Variants in GRM3 observed in about 807,000 individuals in gnomAD.
GRM3 encodes glutamate metabotropic receptor 3.
Under a neutral mutation model 70.5 loss-of-function variants are expected in GRM3, and 26 were observed. That is an observed-to-expected ratio of 0.37 (90% CI 0.27 to 0.51). GRM3 has a LOEUF of 0.51. Ranked by LOEUF, GRM3 falls within the 20% of genes least tolerant of loss-of-function variation. The pLI is 0.93. For missense variants in GRM3, 859 were observed against 1,123.8 expected (o/e 0.76, Z 3.37); for synonymous variants, 443 against 434.9 (o/e 1.02, Z -0.23).
At chr7:86,810,738 C>T (rs1013222957) in intron 3 of GRM3, among the ~76,000 whole-genome samples, 2 of 151,904 alleles carry the variant, frequency 1.3e-5, no homozygotes, top group African/African-American at 4.8e-5. Context: ...TAGCAAGTCA[C>T]TCCTGTTATT....
At chr7:86,801,064 CTTTTTTTTTTT>C (rs67046105) in intron 3 of GRM3, among the ~76,000 whole-genome samples, 16 of 86,826 alleles carry the variant, frequency 1.8e-4, no homozygotes, top group African/African-American at 7.5e-4. Flanking sequence ...CAAACTTCTT[CTTTTTTTTTTT>C]TTTTTTTTTT....
chr7:86,847,424 T>C (rs1427015049), intron 4 of GRM3, among the ~76,000 whole-genome samples: 2 of 152,174 alleles, frequency 1.3e-5, no homozygotes, highest in East Asian at 1.9e-4. Flanking sequence ...ATTACATTAT[T>C]ACGATATGCC....
At chr7:86,674,702 T>A (rs1438121228) in intron 1 of GRM3, among the ~76,000 whole-genome samples, 2 of 152,120 alleles carry the variant, frequency 1.3e-5, no homozygotes, top group African/African-American at 2.4e-5. Context: ...AGTAATCTGA[T>A]CCCTGAGTAT....
chr7:86,783,513 TTG>T lies in GRM3; in HGVS notation c.469-2730_469-2729del, dbSNP rs3831547. Among the ~76,000 whole-genome samples the T allele has an allele frequency of 9.5e-4, 143 of 151,010 alleles. 1 individual carries two copies. Among genetic ancestry groups the T allele is most frequent in the Middle Eastern group, 3.4e-3 (1 of 294 alleles). On this transcript the variant is annotated intron_variant, in intron 2 of 5. Coordinates refer to ENST00000361669, the MANE Select transcript of GRM3 (RefSeq NM_000840.3). ...TGACTATCAAAAGAGCAAAATATGTTTGTGTGTGTGTGTGTGTGTATGTACAT... is the reference window on the plus strand; with the variant it reads ...TGACTATCAAAAGAGCAAAATATGTTTGTGTGTGTGTGTGTGTATGTACAT...
intron 2 of GRM3, among the ~76,000 whole-genome samples, chr7:86,777,754 T>C (rs898886955): frequency 9.9e-5 from 15 of 152,166 alleles, no homozygotes; most frequent in African/African-American, 2.9e-4. Flanking sequence ...AGATAACTCA[T>C]ATGATGTGAA....
At chr7:86,730,712 A>G (rs1342349889) in intron 1 of GRM3, among the ~76,000 whole-genome samples, 1 of 152,218 alleles carries the variant, frequency 6.6e-6, no homozygotes, top group Non-Finnish European at 1.5e-5. Flanking sequence ...TTGCATGCTA[A>G]CCTACATTCC....
intron 3 of GRM3, among the ~76,000 whole-genome samples, chr7:86,793,790 T>C (rs1183348357): frequency 6.6e-6 from 1 of 152,156 alleles, no homozygotes; most frequent in Non-Finnish European, 1.5e-5. Flanking sequence ...CTGCTGCTGC[T>C]TGTTATTTTT....
chr7:86,803,047 CT>C (rs1472984869), intron 3 of GRM3, among the ~76,000 whole-genome samples: 6 of 152,234 alleles, frequency 3.9e-5, no homozygotes, highest in Admixed American at 1.3e-4. Context: ...AAATCTTTAT[CT>C]CTAAAATGCT....
At chr7:86,688,488 G>A (rs1309390605) in intron 1 of GRM3, among the ~76,000 whole-genome samples, 1 of 151,548 alleles carries the variant, frequency 6.6e-6, no homozygotes, top group Admixed American at 6.6e-5. Context: ...AAATTTAACT[G>A]TATAAAGCAA....
At chr7:86,701,146 C>T (rs1336188927) in intron 1 of GRM3, among the ~76,000 whole-genome samples, 7 of 151,602 alleles carry the variant, frequency 4.6e-5, no homozygotes, top group African/African-American at 1.7e-4. Context: ...TAATAAGAAA[C>T]TAAATACAAC....
At chr7:86,766,068 G>T (rs942580054) in intron 2 of GRM3, among the ~76,000 whole-genome samples, 1 of 152,070 alleles carries the variant, frequency 6.6e-6, no homozygotes, top group African/African-American at 2.4e-5. Context: ...TCAAGTTTCT[G>T]CTTGCTTCGC....
At chr7:86,772,364 G>A (rs1164089651) in intron 2 of GRM3, among the ~76,000 whole-genome samples, 1 of 152,048 alleles carries the variant, frequency 6.6e-6, no homozygotes, top group Non-Finnish European at 1.5e-5. Context: ...TGAGAAATAA[G>A]CATTTCTCTG....
chr7:86,647,271 T>C (rs1793496660), intron 1 of GRM3, among the ~76,000 whole-genome samples: 1 of 152,210 alleles, frequency 6.6e-6, no homozygotes, highest in Non-Finnish European at 1.5e-5. Context: ...AACTGTTGTC[T>C]TTCTTGTCCA....
chr7:86,750,026 C>G (rs1393631665), intron 1 of GRM3, among the ~76,000 whole-genome samples: 1 of 151,938 alleles, frequency 6.6e-6, no homozygotes, highest in Non-Finnish European at 1.5e-5. Context: ...ATATGTAAAG[C>G]AACTTGCATA....
intron 5 of GRM3, among the ~76,000 whole-genome samples, chr7:86,863,950 C>T (rs1799010033): frequency 2.0e-5 from 3 of 152,162 alleles, no homozygotes; most frequent in Non-Finnish European, 4.4e-5. Flanking sequence ...AATTGACCTA[C>T]AATAGCATTT....
At chr7:86,743,426 T>A (rs899154324) in intron 1 of GRM3, among the ~76,000 whole-genome samples, 1 of 151,922 alleles carries the variant, frequency 6.6e-6, no homozygotes, top group Non-Finnish European at 1.5e-5. Flanking sequence ...GTGGGAAAAA[T>A]TTATGGAGAT....
intron 1 of GRM3, among the ~76,000 whole-genome samples, chr7:86,652,359 C>T (rs1793628081): frequency 2.6e-5 from 4 of 152,044 alleles, no homozygotes; most frequent in African/African-American, 9.7e-5. Context: ...GAGATGGATT[C>T]TAGCTCTGTT....
intron 1 of GRM3, among the ~76,000 whole-genome samples, chr7:86,737,065 G>T (rs1404178398): frequency 1.3e-5 from 2 of 152,038 alleles, no homozygotes; most frequent in Non-Finnish European, 2.9e-5. Context: ...ATGATCATTG[G>T]TATGATCGCT....
chr7:86,692,140 C>T (rs1300346521), intron 1 of GRM3, among the ~76,000 whole-genome samples: 1 of 152,094 alleles, frequency 6.6e-6, no homozygotes, highest in Non-Finnish European at 1.5e-5. Context: ...TTGGAAAGGC[C>T]AATTAGACAA....
Sources: allele counts gnomAD v4.1 joint callset (sites outside exome capture counted in the v4.1 genomes callset), GRCh38; gene constraint gnomAD v4.1.1; transcripts MANE v1.5; gene names NCBI Gene and HGNC (gene_info 2026-07-23, HGNC 2026-07-21).